Variants in TNNI3K observed in about 807,000 individuals in gnomAD.
The protein encoded by TNNI3K is serine/threonine-protein kinase TNNI3K.
Under a neutral mutation model 114.5 loss-of-function variants are expected in TNNI3K, and 140 were observed. The ratio of observed to expected loss-of-function variants is 1.22; its 90% CI spans 1.07 to 1.41. TNNI3K has a LOEUF of 1.41. Ranked by LOEUF, TNNI3K falls within the 40% of genes most tolerant of loss-of-function variation. TNNI3K has a pLI of 0.00. For missense variants in TNNI3K, 1,125 were observed against 1,007.6 expected, an observed-to-expected ratio of 1.12 and a Z score of -1.58; for synonymous variants, 347 against 347.5, an observed-to-expected ratio of 1.00 and a Z score of 0.02.
At chr1:74,396,282 A>G (rs370263247) in intron 17 of TNNI3K, among the ~76,000 whole-genome samples, 1 of 152,060 alleles carries the variant, frequency 6.6e-6, no homozygotes, top group South Asian at 2.1e-4. Context: ...GAATTAGAAA[A>G]ATGTAAGAGA....
At chr1:74,291,742 A>G (rs1054791472) in intron 5 of TNNI3K, among the ~76,000 whole-genome samples, 2 of 151,638 alleles carry the variant, frequency 1.3e-5, no homozygotes, top group Non-Finnish European at 3.0e-5. Flanking sequence ...ACTCAATTTC[A>G]TAAAGATATT....
At chr1:74,356,596 C>T (rs994860108) in intron 11 of TNNI3K, among the ~76,000 whole-genome samples, 1 of 152,134 alleles carries the variant, frequency 6.6e-6, no homozygotes, top group Admixed American at 6.6e-5. Flanking sequence ...CATTAGTCTT[C>T]CGGAAGGCAG....
chr1:74,331,353 A>C, intron 5 of TNNI3K, 97 bp from the exon 6 acceptor site: 1 of 1,259,400 alleles, frequency 7.9e-7, no homozygotes. Context: ...TAGGGTGGCA[A>C]CTCCTGATGA....
At chr1:74,388,924 T>C (rs1663623632) in intron 17 of TNNI3K, among the ~76,000 whole-genome samples, 1 of 152,192 alleles carries the variant, frequency 6.6e-6, no homozygotes, top group South Asian at 2.1e-4. Flanking sequence ...TAGGAATTCT[T>C]GTGCACCATC....
At chr1:74,428,745 G>C (rs1251839720) in intron 17 of TNNI3K, among the ~76,000 whole-genome samples, 1 of 152,002 alleles carries the variant, frequency 6.6e-6, no homozygotes, top group East Asian at 1.9e-4. Flanking sequence ...GACCAGCCTG[G>C]GTAACGTATT....
intron 7 of TNNI3K, 27 bp from the exon 8 acceptor site, chr1:74,342,815 T>C (rs761011140): frequency 6.2e-7 from 1 of 1,612,574 alleles, no homozygotes; most frequent in South Asian, 1.1e-5. Flanking sequence ...CTAGATAACA[T>C]ATCTTTTTCT....
chr1:74,475,062 C>A (rs1464195509), intron 21 of TNNI3K, among the ~76,000 whole-genome samples: 1 of 149,890 alleles, frequency 6.7e-6, no homozygotes, highest in East Asian at 2.0e-4. Context: ...TTTTAGCAGT[C>A]AGGAGATGCA....
intron 17 of TNNI3K, among the ~76,000 whole-genome samples, chr1:74,413,391 C>T (rs1664978460): frequency 6.6e-6 from 1 of 152,170 alleles, no homozygotes; most frequent in Non-Finnish European, 1.5e-5. Context: ...TTTCACACCT[C>T]TTCTTAATCC....
intron 17 of TNNI3K, among the ~76,000 whole-genome samples, chr1:74,434,250 A>AT (rs1446501442): frequency 6.6e-6 from 1 of 151,934 alleles, no homozygotes; most frequent in African/African-American, 2.4e-5. Context: ...TTCCCTCATT[A>AT]TTTTTTAGCA....
At chr1:74,382,403 C>G (rs1663249312) in intron 17 of TNNI3K, among the ~76,000 whole-genome samples, 1 of 152,156 alleles carries the variant, frequency 6.6e-6, no homozygotes, top group African/African-American at 2.4e-5. Flanking sequence ...TATTTGTATA[C>G]AATGTATATT....
At chr1:74,446,324 T>C (rs1187702718) in intron 20 of TNNI3K, among the ~76,000 whole-genome samples, 3 of 148,672 alleles carry the variant, frequency 2.0e-5, no homozygotes, top group African/African-American at 7.4e-5. Context: ...GTTTTTTGGC[T>C]GCATAAATGT....
intron 9 of TNNI3K, among the ~76,000 whole-genome samples, chr1:74,349,570 G>A (rs1255146275): frequency 6.6e-6 from 1 of 152,110 alleles, no homozygotes; most frequent in Non-Finnish European, 1.5e-5. Context: ...TTGTACCTCT[G>A]GTAGAATTCG....
At position 74,274,273 on chromosome 1, in the gene TNNI3K, A is replaced by G. The variant is rs190616529; in HGVS notation, c.444+2565A>G. 1.7e-3 allele frequency among the ~76,000 whole-genome samples: 254 copies of G among 152,090 alleles called. 1 individual carries two copies. Among genetic ancestry groups the G allele is most frequent in the African/African-American group, 6.0e-3 (250 of 41,540 alleles). On this transcript the variant is annotated intron_variant, in intron 5 of 24. Coordinates refer to ENST00000326637, the MANE Select transcript of TNNI3K (RefSeq NM_015978.3). ...AAAGGTCTTCATCACCATTGCCTTCACATTGAATAGGCAAAGGAGGAGGAG... is the reference window on the plus strand; with the variant it reads ...AAAGGTCTTCATCACCATTGCCTTCGCATTGAATAGGCAAAGGAGGAGGAG...
At chr1:74,302,444 G>A (rs1189205311) in intron 5 of TNNI3K, among the ~76,000 whole-genome samples, 3 of 152,194 alleles carry the variant, frequency 2.0e-5, no homozygotes, top group Non-Finnish European at 4.4e-5. Context: ...TAAGGTCAGT[G>A]AGAAAGATAT....
chr1:74,334,582 T>C (rs186512193), intron 6 of TNNI3K, among the ~76,000 whole-genome samples: 7 of 152,268 alleles, frequency 4.6e-5, no homozygotes, highest in East Asian at 1.9e-4. Context: ...CTTAAGTATA[T>C]ATATAAGTGA....
At chr1:74,527,052 G>C (rs752976405) in intron 23 of TNNI3K, among the ~76,000 whole-genome samples, 2 of 152,252 alleles carry the variant, frequency 1.3e-5, no homozygotes, top group Non-Finnish European at 2.9e-5. Flanking sequence ...TGCTCTAAAA[G>C]CATAAAAATC....
intron 17 of TNNI3K, among the ~76,000 whole-genome samples, chr1:74,392,648 G>A (rs939235858): frequency 6.6e-6 from 1 of 152,098 alleles, no homozygotes; most frequent in Non-Finnish European, 1.5e-5. Context: ...TCACTTGGTT[G>A]ACTTCCTGTT....
At chr1:74,440,572 GT>G (rs200616451) in intron 20 of TNNI3K, among the ~76,000 whole-genome samples, 1 of 151,820 alleles carries the variant, frequency 6.6e-6, no homozygotes, top group Non-Finnish European at 1.5e-5. Context: ...CTATTTTGGA[GT>G]TTTTTTTCCC....
At chr1:74,365,149 A>G (rs1366595147) in intron 11 of TNNI3K, among the ~76,000 whole-genome samples, 4 of 152,136 alleles carry the variant, frequency 2.6e-5, no homozygotes, top group Admixed American at 6.5e-5. Context: ...TGTAAGGCAT[A>G]TTACATACAT....
Sources: gnomAD v4.1 joint callset for allele counts (sites outside exome capture counted in the v4.1 genomes callset) on GRCh38, gnomAD v4.1.1 for gene constraint, MANE v1.5 for transcripts, NCBI Gene and HGNC (gene_info 2026-07-23, HGNC 2026-07-21) for gene names.